Variants in TECRL observed in about 807,000 individuals in gnomAD.
TECRL encodes trans-2,3-enoyl-CoA reductase-like.
In TECRL, 63 loss-of-function variants were observed where a neutral mutation model predicts 52.8. The ratio of observed to expected loss-of-function variants is 1.19; its 90% CI spans 0.97 to 1.47. TECRL has a LOEUF of 1.47. TECRL is among the 40% of genes most tolerant of loss of function. TECRL has a pLI of 0.00. For synonymous variants in TECRL, 164 were observed against 141.9 expected (o/e 1.16, Z -1.10); for missense variants, 482 against 429.6 (o/e 1.12, Z -1.08).
chr4:64,346,021 A>C (rs1474813761), intron 2 of TECRL, among the ~76,000 whole-genome samples: 2 of 151,818 alleles, frequency 1.3e-5, no homozygotes, highest in Non-Finnish European at 2.9e-5. Flanking sequence ...ACAAGAATAT[A>C]AACACAACAC....
At chr4:64,407,519 A>G (rs1306977484) in intron 1 of TECRL, among the ~76,000 whole-genome samples, 4 of 151,564 alleles carry the variant, frequency 2.6e-5, no homozygotes, top group Non-Finnish European at 4.4e-5. Context: ...GTAATTAAGT[A>G]AAAGAACATT....
chr4:64,374,061 ATAT>A (rs1359480138), intron 2 of TECRL, among the ~76,000 whole-genome samples: 1 of 137,450 alleles, frequency 7.3e-6, no homozygotes, highest in African/African-American at 2.6e-5. Flanking sequence ...ACATATATAT[ATAT>A]ATATATATAT....
intron 5 of TECRL, among the ~76,000 whole-genome samples, chr4:64,310,419 A>G (rs1488089451): frequency 2.6e-5 from 4 of 152,146 alleles, no homozygotes; most frequent in African/African-American, 9.7e-5. Context: ...CTGTGCAGTA[A>G]TAATGTAGTT....
intron 2 of TECRL, among the ~76,000 whole-genome samples, chr4:64,339,797 T>A (rs1432627828): frequency 6.6e-6 from 1 of 152,050 alleles, no homozygotes; most frequent in Non-Finnish European, 1.5e-5. Context: ...CCTTTCTGCT[T>A]ATTTACACTA....
intron 1 of TECRL, among the ~76,000 whole-genome samples, chr4:64,394,416 C>T (rs142912703): frequency 3.9e-5 from 6 of 152,214 alleles, no homozygotes; most frequent in African/African-American, 1.4e-4. Flanking sequence ...TTGTAGTGGA[C>T]ATGCGCCTCC....
intron 1 of TECRL, among the ~76,000 whole-genome samples, chr4:64,375,859 A>C (rs935793157): frequency 3.9e-5 from 6 of 151,908 alleles, no homozygotes; most frequent in African/African-American, 1.4e-4. Context: ...TATTCATCTA[A>C]ATTTAAAAAT....
At chr4:64,368,289 TTTTG>T (rs61596935) in intron 2 of TECRL, among the ~76,000 whole-genome samples, 24 of 151,338 alleles carry the variant, frequency 1.6e-4, no homozygotes, top group East Asian at 3.9e-4. Flanking sequence ...TGTTTTCTTT[TTTTG>T]TTTGTTTGTT....
chr4:64,294,279 G>A (rs1723558230), intron 8 of TECRL, among the ~76,000 whole-genome samples: 1 of 151,984 alleles, frequency 6.6e-6, no homozygotes, highest in African/African-American at 2.4e-5. Context: ...GAGCCACAGC[G>A]CCCAGCCGGC....
chr4:64,293,982 AAT>A (rs893692145), intron 8 of TECRL, among the ~76,000 whole-genome samples: 18 of 139,142 alleles, frequency 1.3e-4, no homozygotes, highest in South Asian at 4.7e-4. Flanking sequence ...ATATATATAA[AAT>A]ATATATATAT....
chr4:64,335,158 A>ACAG, intron 2 of TECRL, among the ~76,000 whole-genome samples: 2 of 152,304 alleles, frequency 1.3e-5, no homozygotes, highest in East Asian at 3.9e-4. Context: ...ACCTGGCTGC[A>ACAG]CAGCACATGG....
intron 11 of TECRL, 44 bp from the exon 12 acceptor site, chr4:64,280,243 T>C: frequency 1.6e-6 from 2 of 1,218,346 alleles, no homozygotes; most frequent in Non-Finnish European, 2.1e-6. Context: ...CTTATTTCTA[T>C]GAAATGTTAT....
At chr4:64,318,765 A>C (rs1320790646) in intron 4 of TECRL, among the ~76,000 whole-genome samples, 2 of 152,018 alleles carry the variant, frequency 1.3e-5, no homozygotes, top group Non-Finnish European at 2.9e-5. Flanking sequence ...TGTTAAGATA[A>C]ACAAGAATGG....
At chr4:64,287,153 T>C (rs1017656795) in intron 9 of TECRL, among the ~76,000 whole-genome samples, 1 of 152,058 alleles carries the variant, frequency 6.6e-6, no homozygotes, top group Non-Finnish European at 1.5e-5. Context: ...TACATGTAAT[T>C]TTTTTTCACC....
chr4:64,306,379 T>A (rs1486820907), intron 6 of TECRL, among the ~76,000 whole-genome samples: 1 of 152,142 alleles, frequency 6.6e-6, no homozygotes, highest in African/African-American at 2.4e-5. Context: ...TGAGGCTAGA[T>A]CTTGGTGTTA....
At chr4:64,381,887 G>A (rs377718624) in intron 1 of TECRL, among the ~76,000 whole-genome samples, 42 of 152,140 alleles carry the variant, frequency 2.8e-4, no homozygotes, top group Middle Eastern at 3.4e-3. Context: ...GCAAGTGCAC[G>A]TGTGTGTGGG....
At chr4:64,354,655 T>C (rs1720639779) in intron 2 of TECRL, among the ~76,000 whole-genome samples, 1 of 152,158 alleles carries the variant, frequency 6.6e-6, no homozygotes, top group Admixed American at 6.5e-5. Flanking sequence ...TAAGGTTAGA[T>C]GGAATGGGGT....
At chr4:64,391,746 T>C (rs1723563599) in intron 1 of TECRL, among the ~76,000 whole-genome samples, 1 of 151,904 alleles carries the variant, frequency 6.6e-6, no homozygotes, top group African/African-American at 2.4e-5. Flanking sequence ...AATGCTCTTA[T>C]GTGAACAATA....
At chr4:64,403,742 T>A (rs1578003539) in intron 1 of TECRL, among the ~76,000 whole-genome samples, 1 of 146,462 alleles carries the variant, frequency 6.8e-6, no homozygotes, top group Non-Finnish European at 1.5e-5. Context: ...AATTCTTATA[T>A]CATGAAACAC....
chr4:64,350,500 G>T (rs1190405643), intron 2 of TECRL, among the ~76,000 whole-genome samples: 1 of 152,124 alleles, frequency 6.6e-6, no homozygotes, highest in Non-Finnish European at 1.5e-5. Flanking sequence ...TTTTTTGAAT[G>T]AGATTAACAT....
Sources: gnomAD v4.1 joint callset for allele counts (sites outside exome capture counted in the v4.1 genomes callset) on GRCh38, gnomAD v4.1.1 for gene constraint, MANE v1.5 for transcripts, NCBI Gene and HGNC (gene_info 2026-07-23, HGNC 2026-07-21) for gene names.